Variants in SLC25A26 observed in about 807,000 individuals in gnomAD.
The protein encoded by SLC25A26 is mitochondrial S-adenosylmethionine carrier protein.
Under a neutral mutation model 37.8 loss-of-function variants are expected in SLC25A26, and 36 were observed. The ratio of observed to expected loss-of-function variants is 0.95; its 90% CI spans 0.73 to 1.26. The LOEUF is 1.26. Among genes scored for constraint, SLC25A26 ranks in the 50% most tolerant of loss-of-function variants. The pLI is 0.00. For missense variants in SLC25A26, 390 were observed against 331.1 expected, an observed-to-expected ratio of 1.18 and a Z score of -1.38; for synonymous variants, 129 against 122.5, an observed-to-expected ratio of 1.05 and a Z score of -0.35.
chr3:66,229,111 C>T (rs1412360420), intron 1 of SLC25A26, among the ~76,000 whole-genome samples: 1 of 152,136 alleles, frequency 6.6e-6, no homozygotes, highest in East Asian at 1.9e-4. Flanking sequence ...TTGGTACCAG[C>T]AAACTTTGAA....
At chr3:66,174,914 C>T (rs1051667068) in intron 1 of SLC25A26, among the ~76,000 whole-genome samples, 5 of 151,556 alleles carry the variant, frequency 3.3e-5, no homozygotes, top group African/African-American at 1.2e-4. Context: ...CCAGCTGGCA[C>T]CACACCTTCA....
intron 9 of SLC25A26, among the ~76,000 whole-genome samples, chr3:66,377,355 C>T (rs1265137666): frequency 6.6e-6 from 1 of 152,016 alleles, no homozygotes; most frequent in Admixed American, 6.6e-5. Context: ...GTGGGTGGAG[C>T]GGCAGCATTG....
At chr3:66,374,510 T>C (rs1700528372) in intron 9 of SLC25A26, among the ~76,000 whole-genome samples, 1 of 152,198 alleles carries the variant, frequency 6.6e-6, no homozygotes, top group Admixed American at 6.5e-5. Flanking sequence ...AGACACAATA[T>C]TGCAGTTAGG....
intron 1 of SLC25A26, among the ~76,000 whole-genome samples, chr3:66,158,569 C>T (rs2070315362): frequency 6.6e-6 from 1 of 152,164 alleles, no homozygotes; most frequent in Non-Finnish European, 1.5e-5. Context: ...ACATTTGCAG[C>T]AGTGTAGGAG....
intron 5 of SLC25A26, among the ~76,000 whole-genome samples, chr3:66,278,672 G>A (rs1161698752): frequency 6.6e-6 from 1 of 152,072 alleles, no homozygotes; most frequent in Non-Finnish European, 1.5e-5. Context: ...GAAACTTTAA[G>A]TTATATATTC....
chr3:66,137,583 T>C (rs2069966331), intron 1 of SLC25A26, among the ~76,000 whole-genome samples: 1 of 152,028 alleles, frequency 6.6e-6, no homozygotes, highest in South Asian at 2.1e-4. Context: ...AAAAATTCTA[T>C]AGTTTATGAA....
chr3:66,289,744 A>G (rs2074640648), intron 5 of SLC25A26, among the ~76,000 whole-genome samples: 1 of 152,162 alleles, frequency 6.6e-6, no homozygotes, highest in Non-Finnish European at 1.5e-5. Flanking sequence ...GTTTGAAGTC[A>G]GGTAGCGTGA....
chr3:66,262,768 A>G (rs1199500349), intron 4 of SLC25A26, among the ~76,000 whole-genome samples: 1 of 152,228 alleles, frequency 6.6e-6, no homozygotes, highest in African/African-American at 2.4e-5. Context: ...TTGAATATCT[A>G]ATTGTACAAA....
At chr3:66,282,720 TA>T (rs1460047304) in intron 5 of SLC25A26, among the ~76,000 whole-genome samples, 1 of 152,244 alleles carries the variant, frequency 6.6e-6, no homozygotes, top group Non-Finnish European at 1.5e-5. Flanking sequence ...AATTATACTG[TA>T]AACTTCTTTC....
intron 1 of SLC25A26, among the ~76,000 whole-genome samples, chr3:66,169,354 A>T (rs1346967270): frequency 6.6e-6 from 1 of 152,328 alleles, no homozygotes; most frequent in East Asian, 1.9e-4. Flanking sequence ...TTTCTCAGTT[A>T]GACCAATCCC....
chr3:66,318,228 G>A (rs1307238631), intron 5 of SLC25A26, among the ~76,000 whole-genome samples: 1 of 152,168 alleles, frequency 6.6e-6, no homozygotes, highest in Non-Finnish European at 1.5e-5. Flanking sequence ...CTCAGTGTCT[G>A]CTCGAGACAC....
intron 1 of SLC25A26, among the ~76,000 whole-genome samples, chr3:66,137,503 C>T (rs931640914): frequency 6.6e-6 from 1 of 152,112 alleles, no homozygotes; most frequent in South Asian, 2.1e-4. Context: ...GCTGGGATTA[C>T]AGGCATGAAC....
At chr3:66,143,284 G>A (rs780317435) in intron 1 of SLC25A26, among the ~76,000 whole-genome samples, 19 of 152,246 alleles carry the variant, frequency 1.2e-4, no homozygotes, top group Admixed American at 3.9e-4. Context: ...ATCGTGAATA[G>A]TGCTGGTATA....
At position 66,215,713 on chromosome 3, in the gene SLC25A26, G is replaced by T. The variant is rs1016944527; in HGVS notation, c.-353-5029G>T. Among the ~76,000 whole-genome samples, 551 of 152,150 alleles carry T rather than the reference G, an allele frequency of 3.6e-3. 3 individuals are homozygous for T. The highest frequency in any genetic ancestry group is 0.016 in the East Asian group (85 of 5,170). On this transcript the variant is annotated intron_variant, in intron 1 of 10. Transcript: ENST00000676754. The stretch of plus-strand genomic sequence containing the variant: ...AAAGGAAAACTGACTTTTCAAACAG[G>T]CCTTTAAAATTTTTTCATTTGACTT...
chr3:66,258,451 A>C (rs763781447), intron 3 of SLC25A26, among the ~76,000 whole-genome samples: 18 of 152,196 alleles, frequency 1.2e-4, no homozygotes, highest in African/African-American at 1.7e-4. Flanking sequence ...AAGTGACTTA[A>C]TGTCATTTGT....
chr3:66,293,991 G>A (rs1312986458), intron 5 of SLC25A26, among the ~76,000 whole-genome samples: 1 of 151,994 alleles, frequency 6.6e-6, no homozygotes, highest in Non-Finnish European at 1.5e-5. Context: ...GATTACCTTG[G>A]CTACCTGGGC....
chr3:66,274,668 C>T (rs1236297057), intron 5 of SLC25A26, among the ~76,000 whole-genome samples: 2 of 152,300 alleles, frequency 1.3e-5, no homozygotes, highest in African/African-American at 4.8e-5. Flanking sequence ...CATCACTGGC[C>T]ATCAGATAAA....
chr3:66,376,909 G>T (rs1700686063), intron 9 of SLC25A26, among the ~76,000 whole-genome samples: 1 of 152,090 alleles, frequency 6.6e-6, no homozygotes, highest in Non-Finnish European at 1.5e-5. Context: ...AACCTGTTTT[G>T]TAATTTTTTT....
At chr3:66,232,830 A>G (rs781822381) in intron 1 of SLC25A26, among the ~76,000 whole-genome samples, 1 of 152,362 alleles carries the variant, frequency 6.6e-6, no homozygotes, top group Non-Finnish European at 1.5e-5. Context: ...GAGTGGCAAG[A>G]TGAAATTTGG....
Sources: gnomAD v4.1 joint callset for allele counts (sites outside exome capture counted in the v4.1 genomes callset) on GRCh38, gnomAD v4.1.1 for gene constraint, MANE v1.5 for transcripts, NCBI Gene and HGNC (gene_info 2026-07-23, HGNC 2026-07-21) for gene names.